The following ARHGAP26 variants were observed in gnomAD, a reference collection of about 807,000 sequenced individuals.
The protein encoded by ARHGAP26 is rho GTPase-activating protein 26.
A neutral mutation model predicts 104.8 loss-of-function variants in ARHGAP26; 38 were observed. The observed-to-expected ratio is 0.36, with a 90% confidence interval of 0.28 to 0.48. ARHGAP26 has a LOEUF of 0.48. ARHGAP26 is among the 20% of genes least tolerant of loss of function. The pLI is 0.99. For missense variants in ARHGAP26, 704 were observed against 947.9 expected, an observed-to-expected ratio of 0.74 and a Z score of 3.38; for synonymous variants, 341 against 340.0, an observed-to-expected ratio of 1.00 and a Z score of -0.03.
intron 4 of ARHGAP26, among the ~76,000 whole-genome samples, chr5:142,880,235 G>C (rs1338436603): frequency 6.6e-6 from 1 of 152,120 alleles, no homozygotes; most frequent in Non-Finnish European, 1.5e-5. Flanking sequence ...AAATCACTAG[G>C]AGGGCTGGGC....
intron 11 of ARHGAP26, among the ~76,000 whole-genome samples, chr5:143,000,559 T>C (rs1467276701): frequency 6.6e-6 from 1 of 152,240 alleles, no homozygotes; most frequent in Admixed American, 6.5e-5. Context: ...TAAATCATTC[T>C]ATAAAGACAC....
Position 142,917,017 on chromosome 5 carries a change from T to C in ARHGAP26, c.1028+3724T>C, listed in dbSNP as rs1004427807. 5.3e-5 allele frequency among the ~76,000 whole-genome samples: 8 copies of C among 151,538 alleles called. 1 individual carries two copies. The highest frequency in any genetic ancestry group is 2.9e-5 in the Non-Finnish European group (2 of 67,974). On this transcript the variant is annotated intron_variant, in intron 10 of 22. Transcript: ENST00000645722. ...CTCAGGAGCCTGTTCCAGGGCACAT[T>C]GGTGCCTCAAGACTTTGGAATTTTT...
intron 1 of ARHGAP26, chr5:142,867,726 C>T (rs987072829): frequency 6.6e-6 from 1 of 152,198 alleles, no homozygotes; most frequent in African/African-American, 2.4e-5. Context: ...GCTCTCCCTC[C>T]AGCTCTGTGG....
At chr5:143,068,754 C>T (rs1310755687) in intron 17 of ARHGAP26, among the ~76,000 whole-genome samples, 2 of 152,216 alleles carry the variant, frequency 1.3e-5, no homozygotes, top group Non-Finnish European at 2.9e-5. Context: ...CAGAAGAACT[C>T]AAATAGTTGT....
At chr5:142,975,960 C>T (rs574860073) in intron 11 of ARHGAP26, among the ~76,000 whole-genome samples, 5 of 152,150 alleles carry the variant, frequency 3.3e-5, no homozygotes, top group South Asian at 2.1e-4. Flanking sequence ...AATAAACCAC[C>T]GTATGGAGGA....
At chr5:142,865,817 G>A (rs1361485798) in intron 1 of ARHGAP26, among the ~76,000 whole-genome samples, 1 of 152,102 alleles carries the variant, frequency 6.6e-6, no homozygotes, top group Non-Finnish European at 1.5e-5. Context: ...TCCTTCCATG[G>A]TTTGATTCTA....
chr5:142,982,671 T>C (rs1774112473), intron 11 of ARHGAP26, among the ~76,000 whole-genome samples: 1 of 152,234 alleles, frequency 6.6e-6, no homozygotes, highest in Middle Eastern at 3.2e-3. Flanking sequence ...GTTGTATACC[T>C]TTCTTCTTGA....
intron 20 of ARHGAP26, among the ~76,000 whole-genome samples, chr5:143,188,058 C>T (rs1416316765): frequency 6.6e-6 from 1 of 152,180 alleles, no homozygotes; most frequent in East Asian, 1.9e-4. Context: ...GTTCTTTTGA[C>T]CAAATCTCAG....
At chr5:143,004,998 A>G (rs1777732244) in intron 11 of ARHGAP26, among the ~76,000 whole-genome samples, 1 of 152,202 alleles carries the variant, frequency 6.6e-6, no homozygotes, top group Non-Finnish European at 1.5e-5. Flanking sequence ...GGATGACAGC[A>G]CAGTTTCTCG....
chr5:143,171,279 C>T (rs1189310827), intron 20 of ARHGAP26, among the ~76,000 whole-genome samples: 1 of 152,124 alleles, frequency 6.6e-6, no homozygotes, highest in Non-Finnish European at 1.5e-5. Flanking sequence ...AAGTGACTTC[C>T]CCAAGGTCAC....
chr5:143,126,895 C>T (rs1562473790), intron 18 of ARHGAP26, among the ~76,000 whole-genome samples: 1 of 152,304 alleles, frequency 6.6e-6, no homozygotes, highest in East Asian at 1.9e-4. Flanking sequence ...TCCAAACTCA[C>T]ACCTTATCAC....
At chr5:143,219,384 G>A (rs1810840582) in intron 22 of ARHGAP26, among the ~76,000 whole-genome samples, 1 of 152,224 alleles carries the variant, frequency 6.6e-6, no homozygotes, top group Admixed American at 6.5e-5. Flanking sequence ...GCAGAAGGGA[G>A]TTACTGAAGG....
chr5:142,900,804 G>A (rs1562044302), intron 6 of ARHGAP26, among the ~76,000 whole-genome samples: 1 of 152,124 alleles, frequency 6.6e-6, no homozygotes, highest in Non-Finnish European at 1.5e-5. Context: ...AGACCACAAT[G>A]TAAAATAAAG....
At chr5:142,979,166 A>C (rs555227041) in intron 11 of ARHGAP26, among the ~76,000 whole-genome samples, 23 of 152,198 alleles carry the variant, frequency 1.5e-4, no homozygotes, top group Non-Finnish European at 2.4e-4. Flanking sequence ...GGTGAAGATG[A>C]AAAAAACGTT....
intron 1 of ARHGAP26, chr5:142,868,913 C>T (rs1237975961): frequency 1.3e-5 from 2 of 152,574 alleles, no homozygotes; most frequent in Non-Finnish European, 2.9e-5. Flanking sequence ...CTTGCCCGCT[C>T]ACATCGTACA....
chr5:143,009,635 A>G (rs999664198), intron 11 of ARHGAP26, among the ~76,000 whole-genome samples: 1 of 152,216 alleles, frequency 6.6e-6, no homozygotes, highest in African/African-American at 2.4e-5. Context: ...TCTTAGATGG[A>G]CCGTGATAAG....
intron 11 of ARHGAP26, among the ~76,000 whole-genome samples, chr5:142,975,580 C>T (rs2152712822): frequency 6.6e-6 from 1 of 152,188 alleles, no homozygotes; most frequent in South Asian, 2.1e-4. Flanking sequence ...ATTTAGCAAA[C>T]TATAAAGATG....
At chr5:143,052,666 G>A (rs1785218670) in intron 14 of ARHGAP26, among the ~76,000 whole-genome samples, 1 of 152,196 alleles carries the variant, frequency 6.6e-6, no homozygotes, top group Non-Finnish European at 1.5e-5. Flanking sequence ...CACACGGAGA[G>A]CAGTAGATAC....
intron 11 of ARHGAP26, among the ~76,000 whole-genome samples, chr5:142,959,734 T>TTAAG (rs1769895419): frequency 6.6e-6 from 1 of 152,250 alleles, no homozygotes; most frequent in South Asian, 2.1e-4. Context: ...TCTCTGTATT[T>TTAAG]TAAGGTCTAC....
Sources: gnomAD v4.1 joint callset for allele counts (sites outside exome capture counted in the v4.1 genomes callset) on GRCh38, gnomAD v4.1.1 for gene constraint, MANE v1.5 for transcripts, NCBI Gene and HGNC (gene_info 2026-07-23, HGNC 2026-07-21) for gene names.